The following MED15 variants were observed in gnomAD, a reference collection of about 807,000 sequenced individuals.
MED15 encodes mediator of RNA polymerase II transcription subunit 15.
MED15 carries 41 observed loss-of-function variants against 118.7 expected under a neutral mutation model. That is an observed-to-expected ratio of 0.35 (90% CI 0.27 to 0.45). MED15 has a LOEUF of 0.45. MED15 is among the 20% of genes least tolerant of loss of function. The pLI, the probability that MED15 is intolerant of heterozygous loss-of-function variation, is 1.00. For synonymous variants in MED15, 436 were observed against 413.9 expected (o/e 1.05, Z -0.65); for missense variants, 740 against 1,025.5 (o/e 0.72, Z 3.80).
chr22:20,584,920 T>C lies in MED15; in HGVS notation c.1869T>C (p.Asp623=). ...KQQYLCQPLL[D]AVLANIRSPV... is the part of the protein sequence containing the mutation. ...AGTACCTATGCCAGCCGCTCCTGGA[T>C]GCCGTCCTGGCCAACATCCGCTCAC... Residue 623 remains aspartate (D), a synonymous_variant, in exon 15 of 18, where the codon GAT becomes GAC. Coordinates refer to ENST00000263205, the MANE Select transcript of MED15 (RefSeq NM_001003891.3). 1 of 1,614,026 alleles carries C rather than the reference T, an allele frequency of 6.2e-7. No homozygotes were observed. Among genetic ancestry groups the C allele is most frequent in the Non-Finnish European group, 8.5e-7 (1 of 1,180,008 alleles).
At chr22:20,585,877 T>C (rs1327539656) in intron 17 of MED15, 51 bp downstream of exon 17, 3 of 1,571,052 alleles carry the variant, frequency 1.9e-6, no homozygotes, top group Admixed American at 1.7e-5. Context: ...GCAGGGGTCA[T>C]TGTGGAAAAC....
chr22:20,538,043 T>G (rs182223895), intron 2 of MED15, among the ~76,000 whole-genome samples: 17 of 152,334 alleles, frequency 1.1e-4, no homozygotes, highest in African/African-American at 4.1e-4. Context: ...CCCTTTAAAG[T>G]TTACATTTCA....
At position 20,586,600 on chromosome 22, in the gene MED15, T is replaced by C. The variant is rs144737514; in HGVS notation, c.2263T>C (p.Cys755Arg). 6.2e-7 allele frequency: 1 copy of C among 1,612,886 alleles called. No individual in the cohort carries two copies. Among genetic ancestry groups the C allele is most frequent in the Non-Finnish European group, 8.5e-7 (1 of 1,179,954 alleles). Residue 755 changes from cysteine to arginine, a missense_variant, in exon 18 of 18, where the codon TGC becomes CGC. Transcript: ENST00000263205. ...ANPFLQSVHRCMTSRLLQLPD... is the reference protein window; with the variant it reads ...ANPFLQSVHRRMTSRLLQLPD... ...CCCCTTCCTCCAGTCGGTGCACCGC[T>C]GCATGACCTCCAGGCTGCTGCAGCT...
At chr22:20,508,224 C>G (rs1484288370) in intron 1 of MED15, 7 of 1,245,288 alleles carry the variant, frequency 5.6e-6, no homozygotes, top group Non-Finnish European at 6.3e-6. Flanking sequence ...GGCGGTGGGA[C>G]GGAGGATCTG....
rs575476216 is a variant in MED15 at position 20,563,877 on chromosome 22, T to A, written c.452-573T>A. On this transcript the variant is annotated intron_variant, in intron 5 of 17. Coordinates refer to ENST00000263205, the MANE Select transcript of MED15 (RefSeq NM_001003891.3). ...AGCACAATTTTAGAACATTTTTATG[T>A]TCACCCCAAAAGAAACCTCACCTCA... Among the ~76,000 whole-genome samples the A allele has an allele frequency of 3.9e-5, 6 of 152,332 alleles. No homozygotes were observed. The East Asian group carries it at 1.2e-3, about 29-fold the overall frequency.
At position 20,564,493 on chromosome 22, in the gene MED15, A is replaced by G. The variant is rs2146581066; in HGVS notation, c.495A>G (p.Gln165=). The part of the protein sequence containing the change: ...LQQVALQQQQ[Q]QQQFQQQQQA... ...AGGTGGCGCTGCAGCAGCAGCAGCA[A>G]CAGCAGCAGTTCCAGCAGCAGCAGC... Residue 165 remains glutamine, a synonymous_variant, in exon 6 of 18, where the codon CAA becomes CAG. Transcript: ENST00000263205. 3 of 1,607,974 alleles carry G rather than the reference A, an allele frequency of 1.9e-6. No individual in the cohort carries two copies. Among genetic ancestry groups the G allele is most frequent in the Middle Eastern group, 1.7e-4 (1 of 5,990 alleles).
chr22:20,554,478 A>G (rs1266706243), intron 4 of MED15: 1 of 154,694 alleles, frequency 6.5e-6, no homozygotes, highest in African/African-American at 2.4e-5. Context: ...CTGCAACAGC[A>G]CGAGTGGAGC....
In MED15 at chr22:20,551,359, C is replaced by T. The variant is rs77357764; in HGVS notation, c.157-77C>T. ...TGGGCTTCAGCTCGGTGCCAGCAGG[C>T]GAGGGGGCGGGAAGGGGGAGTCCGA... On this transcript the variant is annotated intron_variant, in intron 2 of 17. Coordinates refer to ENST00000263205, the MANE Select transcript of MED15 (RefSeq NM_001003891.3). The T allele has an allele frequency of 6.1e-3, 8,255 of 1,345,484 alleles. 380 individuals are homozygous for T. The African/African-American group carries it at 0.1, about 17-fold the overall frequency. The allele number at this position is 1,345,484 out of a possible 1,614,324, so 83.3% of individuals were successfully genotyped here.
chr22:20,508,165 A>T, intron 1 of MED15: 2 of 1,216,718 alleles, frequency 1.6e-6, no homozygotes, highest in South Asian at 3.1e-5. Context: ...AAGTGATGGG[A>T]GGAGGGTGGA....
intron 5 of MED15, among the ~76,000 whole-genome samples, chr22:20,561,029 G>C (rs2056219468): frequency 6.6e-6 from 1 of 152,130 alleles, no homozygotes; most frequent in Non-Finnish European, 1.5e-5. Context: ...TTTGGGAAAT[G>C]CTAAAATATT....
At chr22:20,546,082 T>G (rs1033810636) in intron 2 of MED15, among the ~76,000 whole-genome samples, 9 of 152,154 alleles carry the variant, frequency 5.9e-5, no homozygotes, top group African/African-American at 2.2e-4. Context: ...CTTTCAAGTT[T>G]CAACGCTTTT....
chr22:20,526,728 C>G (rs1421531934), intron 1 of MED15, among the ~76,000 whole-genome samples: 1 of 152,206 alleles, frequency 6.6e-6, no homozygotes, highest in East Asian at 1.9e-4. Flanking sequence ...ATCCATCCAC[C>G]TCGGCCTCCC....
intron 1 of MED15, among the ~76,000 whole-genome samples, chr22:20,528,783 C>A (rs945059872): frequency 6.7e-6 from 1 of 150,350 alleles, no homozygotes; most frequent in African/African-American, 2.5e-5. Context: ...ACCACACAAC[C>A]CACCTCTCTC....
intron 1 of MED15, among the ~76,000 whole-genome samples, chr22:20,509,921 G>A (rs2106975): frequency 6.6e-6 from 1 of 152,272 alleles, no homozygotes; most frequent in Admixed American, 6.5e-5. Flanking sequence ...GAAGTGTTAA[G>A]AGGGCTGGGA....
At chr22:20,551,281 G>C (rs149369567) in intron 2 of MED15, 155 bp from the exon 3 acceptor site, 3 of 783,096 alleles carry the variant, frequency 3.8e-6, no homozygotes, top group South Asian at 2.7e-5. Context: ...GCTCTCTTCC[G>C]AGAGGCGGAT....
chr22:20,585,408 A>C (rs2057105286), intron 16 of MED15, 141 bp downstream of exon 16: 29 of 1,141,602 alleles, frequency 2.5e-5, no homozygotes, highest in Non-Finnish European at 3.5e-5. Flanking sequence ...CTCTATCCTC[A>C]CACACACCGG....
At chr22:20,566,960 C>A (rs1028468490) in intron 7 of MED15, 143 bp downstream of exon 7, 4 of 1,435,042 alleles carry the variant, frequency 2.8e-6, no homozygotes, top group African/African-American at 2.9e-5. Flanking sequence ...CCAGCCCTGC[C>A]GACTCTAGCA....
At chr22:20,530,529 CA>C (rs1165334731) in intron 1 of MED15, among the ~76,000 whole-genome samples, 1 of 151,516 alleles carries the variant, frequency 6.6e-6, no homozygotes, top group African/African-American at 2.4e-5. Context: ...TGCCCTCATT[CA>C]GCAATGGGAA....
intron 8 of MED15, among the ~76,000 whole-genome samples, chr22:20,572,912 A>G (rs2056711452): frequency 6.6e-6 from 1 of 152,160 alleles, no homozygotes; most frequent in Non-Finnish European, 1.5e-5. Context: ...GAGACAGAGC[A>G]AAACTCTTGT....
Sources: allele counts gnomAD v4.1 joint callset (sites outside exome capture counted in the v4.1 genomes callset), GRCh38; gene constraint gnomAD v4.1.1; transcripts MANE v1.5; gene names NCBI Gene and HGNC (gene_info 2026-07-23, HGNC 2026-07-21).